SCAMP1: variants seen among roughly 807,000 people sequenced by gnomAD.
SCAMP1 encodes secretory carrier-associated membrane protein 1.
A neutral mutation model predicts 41.8 loss-of-function variants in SCAMP1; 15 were observed. The observed-to-expected ratio is 0.36, with a 90% CI of 0.24 to 0.55. The LOEUF is 0.55. Among genes scored for constraint, SCAMP1 ranks in the 20% least tolerant of loss-of-function variants. The pLI, the probability that SCAMP1 is intolerant of heterozygous loss-of-function variation, is 0.86. For missense variants in SCAMP1, 341 were observed against 412.6 expected (o/e 0.83, Z 1.50); for synonymous variants, 135 against 136.8 (o/e 0.99, Z 0.09).
At chr5:78,463,388 G>T (rs76958703) in intron 8 of SCAMP1, among the ~76,000 whole-genome samples, 2,944 of 152,168 alleles carry the variant, frequency 0.019, 86 homozygotes, top group African/African-American at 0.061. Flanking sequence ...ATTTTCTTTG[G>T]GAATTTCATC....
chr5:78,409,389 A>G (rs1004865955), intron 2 of SCAMP1, among the ~76,000 whole-genome samples: 8 of 148,032 alleles, frequency 5.4e-5, no homozygotes, highest in African/African-American at 2.0e-4. Context: ...TTATATTTAT[A>G]TATATATAGA....
chr5:78,373,103 C>G (rs1426178298), intron 1 of SCAMP1, among the ~76,000 whole-genome samples: 1 of 152,072 alleles, frequency 6.6e-6, no homozygotes, highest in African/African-American at 2.4e-5. Context: ...TTACCTTCTC[C>G]CCTCTGCTAG....
intron 1 of SCAMP1, among the ~76,000 whole-genome samples, chr5:78,367,577 C>T (rs12655833): frequency 0.24 from 36,409 of 152,160 alleles, 4,827 homozygotes; most frequent in East Asian, 0.54. Context: ...CTTCTTGAAT[C>T]ATATGCTACT....
Position 78,478,623 on chromosome 5 carries a change from G to A in SCAMP1, c.*2955G>A, listed in dbSNP as rs1233226489. 6.6e-6 allele frequency: 1 copy of A among 152,096 alleles called. No homozygotes were observed. Among genetic ancestry groups the A allele is most frequent in the African/African-American group, 2.4e-5 (1 of 41,432 alleles). 9.4% of individuals were successfully genotyped at this position (152,096 alleles called of 1,614,324 possible). ...TTTTCATTGTGGGTTAAAAATGGGTGTCTCTGTACTAGTATTGTATTTATT... is the reference window on the plus strand; with the variant it reads ...TTTTCATTGTGGGTTAAAAATGGGTATCTCTGTACTAGTATTGTATTTATT... On this transcript the variant is annotated 3_prime_UTR_variant, in exon 9 of 9. Coordinates refer to ENST00000621999, the MANE Select transcript of SCAMP1 (RefSeq NM_004866.6).
chr5:78,426,683 C>T (rs978419280), intron 6 of SCAMP1, among the ~76,000 whole-genome samples: 5 of 152,116 alleles, frequency 3.3e-5, no homozygotes, highest in Admixed American at 1.3e-4. Context: ...ACTTTTCCAT[C>T]CTTCCCAAAA....
chr5:78,417,021 C>T (rs1375167784), intron 4 of SCAMP1, among the ~76,000 whole-genome samples: 4 of 152,148 alleles, frequency 2.6e-5, no homozygotes, highest in Non-Finnish European at 5.9e-5. Context: ...CTGATTTATT[C>T]AGGTTAATTT....
chr5:78,413,255 A>G (rs1425650754), intron 2 of SCAMP1, among the ~76,000 whole-genome samples: 1 of 151,940 alleles, frequency 6.6e-6, no homozygotes, highest in African/African-American at 2.4e-5. Flanking sequence ...AAGTTTCTGC[A>G]TTTGTGTGGG....
intron 1 of SCAMP1, among the ~76,000 whole-genome samples, chr5:78,385,759 G>C (rs762668328): frequency 1.3e-5 from 2 of 152,012 alleles, no homozygotes; most frequent in Non-Finnish European, 2.9e-5. Context: ...TGGTTTTAAG[G>C]GTTCCTTTTG....
intron 7 of SCAMP1, among the ~76,000 whole-genome samples, chr5:78,453,399 C>T (rs1282892964): frequency 9.3e-5 from 14 of 150,444 alleles, no homozygotes; most frequent in African/African-American, 3.4e-4. Context: ...CAGCTTTCTA[C>T]ATATGGCTAG....
chr5:78,389,380 T>C (rs1751430036), intron 2 of SCAMP1, among the ~76,000 whole-genome samples: 1 of 152,162 alleles, frequency 6.6e-6, no homozygotes, highest in Admixed American at 6.6e-5. Context: ...CTCTGGAACT[T>C]TACCCAGACT....
At chr5:78,397,002 T>G (rs1292840201) in intron 2 of SCAMP1, among the ~76,000 whole-genome samples, 1 of 152,106 alleles carries the variant, frequency 6.6e-6, no homozygotes, top group African/African-American at 2.4e-5. Flanking sequence ...CTTCATAGGA[T>G]TTTTGCAGCA....
At chr5:78,382,819 G>GCA (rs1561253528) in intron 1 of SCAMP1, among the ~76,000 whole-genome samples, 3 of 50,612 alleles carry the variant, frequency 5.9e-5, no homozygotes, top group South Asian at 1.1e-3. Flanking sequence ...GTGTGTGTGT[G>GCA]CGCCACATTT....
intron 2 of SCAMP1, among the ~76,000 whole-genome samples, chr5:78,392,606 A>T (rs1256490493): frequency 6.6e-6 from 1 of 152,224 alleles, no homozygotes; most frequent in Non-Finnish European, 1.5e-5. Flanking sequence ...GTCTTGAGCA[A>T]GGAGCTAGGC....
chr5:78,366,913 C>A (rs139740213), intron 1 of SCAMP1, among the ~76,000 whole-genome samples: 2 of 132,164 alleles, frequency 1.5e-5, no homozygotes, highest in African/African-American at 5.4e-5. Flanking sequence ...AGAGTGAGAC[C>A]CTGTCTCAAA....
intron 8 of SCAMP1, among the ~76,000 whole-genome samples, chr5:78,470,061 C>T (rs1019256646): frequency 2.0e-5 from 3 of 151,900 alleles, no homozygotes; most frequent in Non-Finnish European, 2.9e-5. Context: ...CACTACACTC[C>T]AGCCTGGGCT....
intron 6 of SCAMP1, among the ~76,000 whole-genome samples, chr5:78,425,837 A>G (rs532945894): frequency 3.3e-4 from 50 of 152,222 alleles, no homozygotes; most frequent in African/African-American, 1.1e-3. Flanking sequence ...GTGCAGGTCT[A>G]TTACATAGGT....
intron 8 of SCAMP1, among the ~76,000 whole-genome samples, chr5:78,467,243 C>G (rs1401890800): frequency 2.6e-5 from 4 of 152,070 alleles, no homozygotes; most frequent in Non-Finnish European, 4.4e-5. Context: ...GGAGAATACT[C>G]ACAACAATTA....
At chr5:78,460,817 C>CT (rs1753585816) in intron 8 of SCAMP1, among the ~76,000 whole-genome samples, 3 of 26,730 alleles carry the variant, frequency 1.1e-4, no homozygotes, top group Non-Finnish European at 2.6e-4. Context: ...CCCTTCCTTC[C>CT]TTCCTTTCTT....
At chr5:78,464,722 G>T (rs776576857) in intron 8 of SCAMP1, among the ~76,000 whole-genome samples, 10 of 152,090 alleles carry the variant, frequency 6.6e-5, no homozygotes, top group African/African-American at 2.4e-4. Flanking sequence ...ATGCCATAAA[G>T]CCATCAAATG....
Sources: gnomAD v4.1 joint callset for allele counts (sites outside exome capture counted in the v4.1 genomes callset) on GRCh38, gnomAD v4.1.1 for gene constraint, MANE v1.5 for transcripts, NCBI Gene and HGNC (gene_info 2026-07-23, HGNC 2026-07-21) for gene names.